The following LBP variants were observed in gnomAD, a reference collection of about 807,000 sequenced individuals.
The protein encoded by LBP is lipopolysaccharide binding protein, also known as lipopolysaccharide-binding protein.
Under a neutral mutation model 56.6 loss-of-function variants are expected in LBP, and 53 were observed. That is an observed-to-expected ratio of 0.94 (90% confidence interval 0.75 to 1.18). LBP has a LOEUF of 1.18. LBP is among the 50% of genes most tolerant of loss of function. The probability of loss-of-function intolerance (pLI) is 0.00; values close to 1 mark genes in which losing one functional copy is unlikely to be tolerated. For synonymous variants in LBP, 227 were observed against 247.5 expected, an observed-to-expected ratio of 0.92 and a Z score of 0.78; for missense variants, 601 against 598.3, an observed-to-expected ratio of 1.00 and a Z score of -0.05.
chr20:38,353,671 A>G lies in LBP; in HGVS notation c.369-613A>G, dbSNP rs572921314. ...TTTGTGTTTCAGAAAGCTTGTGCCA[A>G]TGTGCACTCTCCCAGCCACAGTGTC... is the stretch of plus-strand genomic sequence containing the variant. On this transcript the variant is annotated intron_variant, in intron 3 of 14. Transcript: ENST00000217407. Among the ~76,000 whole-genome samples the G allele has an allele frequency of 1.5e-3, 224 of 151,984 alleles. 4 individuals are homozygous for G. Among genetic ancestry groups the G allele is most frequent in the East Asian group, 3.1e-3 (16 of 5,168 alleles).
chr20:38,366,902 T>C (rs2076884388), intron 9 of LBP, 74 bp downstream of exon 9: 5 of 1,342,156 alleles, frequency 3.7e-6, no homozygotes, highest in Middle Eastern at 1.8e-4. Context: ...TTAAAACCTC[T>C]GCATCTCTCA....
intron 14 of LBP, 83 bp downstream of exon 14, chr20:38,374,096 G>A (rs2076909870): frequency 2.9e-6 from 4 of 1,395,406 alleles, no homozygotes; most frequent in Non-Finnish European, 4.1e-6. Context: ...ATTCATGGGT[G>A]ACACCCAGCC....
chr20:38,375,228 T>C (rs1360749032), intron 14 of LBP, among the ~76,000 whole-genome samples: 1 of 152,062 alleles, frequency 6.6e-6, no homozygotes, highest in East Asian at 1.9e-4. Context: ...TTTTGCACAG[T>C]TGCATTACTA....
At chr20:38,355,656 G>T (rs1176235747) in intron 5 of LBP, among the ~76,000 whole-genome samples, 1 of 152,126 alleles carries the variant, frequency 6.6e-6, no homozygotes, top group Non-Finnish European at 1.5e-5. Context: ...AACAGCAGGG[G>T]CTAAACAGAG....
intron 5 of LBP, among the ~76,000 whole-genome samples, chr20:38,357,991 A>G (rs1220294090): frequency 6.6e-6 from 1 of 152,224 alleles, no homozygotes; most frequent in African/African-American, 2.4e-5. Context: ...TGGTTTGGCC[A>G]GCTTCTTTAC....
chr20:38,363,463 A>G (rs963422253), intron 6 of LBP, among the ~76,000 whole-genome samples: 35 of 151,972 alleles, frequency 2.3e-4, no homozygotes, highest in African/African-American at 8.2e-4. Flanking sequence ...GGAGGGGGAG[A>G]CCCTGGCAAA....
intron 5 of LBP, among the ~76,000 whole-genome samples, chr20:38,357,512 G>A (rs755577650): frequency 2.6e-5 from 4 of 152,178 alleles, no homozygotes; most frequent in Admixed American, 6.5e-5. Flanking sequence ...CTCTCTGGGC[G>A]ATATATACTC....
chr20:38,367,465 T>C (rs1263801086), intron 9 of LBP, among the ~76,000 whole-genome samples: 4 of 152,140 alleles, frequency 2.6e-5, no homozygotes, highest in African/African-American at 7.2e-5. Context: ...AAAAAAATTA[T>C]TAAAAATGTT....
intron 14 of LBP, among the ~76,000 whole-genome samples, chr20:38,375,061 T>C (rs939833519): frequency 2.7e-4 from 40 of 150,746 alleles, no homozygotes; most frequent in Non-Finnish European, 2.4e-4. Context: ...CCTCCCAAAG[T>C]GCTGGGATTA....
At chr20:38,363,190 A>AT (rs2076867720) in intron 6 of LBP, among the ~76,000 whole-genome samples, 1 of 152,212 alleles carries the variant, frequency 6.6e-6, no homozygotes, top group Non-Finnish European at 1.5e-5. Context: ...TCTGGGAGTG[A>AT]AATTGCAAGC....
chr20:38,376,848 C>T lies in LBP; in HGVS notation c.*179C>T, dbSNP rs1488181220. 5 of 721,224 alleles carry T rather than the reference C, an allele frequency of 6.9e-6. No homozygotes were observed. Among genetic ancestry groups the T allele is most frequent in the Non-Finnish European group, 1.3e-5 (5 of 398,356 alleles). The allele number at this position is 721,224 out of a possible 1,614,324, so 44.7% of individuals were successfully genotyped here. A position where few individuals can be genotyped will look rare whatever the true frequency, so the allele number is the denominator to read the frequency against. On this transcript the variant is annotated 3_prime_UTR_variant, in exon 15 of 15. Coordinates refer to ENST00000217407, the MANE Select transcript of LBP (RefSeq NM_004139.5). ...TCTTCACCAGGTGCATGCATGCCCTCTCTGAGTCTGGACTTTGCTTCCCCT... is the reference window on the plus strand; with the variant it reads ...TCTTCACCAGGTGCATGCATGCCCTTTCTGAGTCTGGACTTTGCTTCCCCT...
chr20:38,372,944 T>C, intron 12 of LBP, 128 bp from the exon 13 acceptor site: 2 of 775,394 alleles, frequency 2.6e-6, no homozygotes, highest in Non-Finnish European at 4.3e-6. Flanking sequence ...AAAAGAGTTT[T>C]ATCTTATAAA....
At chr20:38,376,109 T>A (rs2083957240) in intron 14 of LBP, among the ~76,000 whole-genome samples, 1 of 152,216 alleles carries the variant, frequency 6.6e-6, no homozygotes, top group African/African-American at 2.4e-5. Flanking sequence ...GTATGATAGC[T>A]TCTAGCTCAA....
chr20:38,363,967 A>T lies in LBP; in HGVS notation c.653-8A>T, dbSNP rs779483267. ...TGGCCCCTAATTCTGCCCTGTCCTC[A>T]TTCACAGTTACAACAGAGATTGACA... On this transcript the variant is annotated splice_polypyrimidine_tract_variant and splice_region_variant and intron_variant, in intron 6 of 14. Coordinates refer to ENST00000217407, the MANE Select transcript of LBP (RefSeq NM_004139.5). 1 of 1,608,828 alleles carries T rather than the reference A, an allele frequency of 6.2e-7. No homozygotes were observed. The highest frequency in any genetic ancestry group is 8.5e-7 in the Non-Finnish European group (1 of 1,175,174).
intron 4 of LBP, 80 bp downstream of exon 4, chr20:38,354,519 T>C: frequency 7.5e-7 from 1 of 1,334,186 alleles, no homozygotes; most frequent in Non-Finnish European, 1.0e-6. Flanking sequence ...TGGCCTCCGA[T>C]AATTGCAATG....
chr20:38,353,256 C>T (rs1180690195), intron 3 of LBP, among the ~76,000 whole-genome samples: 1 of 152,076 alleles, frequency 6.6e-6, no homozygotes, highest in Non-Finnish European at 1.5e-5. Flanking sequence ...GCCATGTCCA[C>T]CCCTATCTGA....
Position 38,373,978 on chromosome 20 carries a change from G to A in LBP, c.1366G>A (p.Val456Ile), listed in dbSNP as rs1404187460. Residue 456 changes from valine to isoleucine, a missense_variant, in exon 14 of 15, where the codon GTT becomes ATT. By Grantham distance (29) the Val-to-Ile change is conservative (BLOSUM62 3). Transcript: ENST00000217407. The stretch of plus-strand genomic sequence containing the variant: ...CTTCCCCCTTCCTCTGCTGAAGCGT[G>A]TTCAGCTCTACGACCTTGGGCTGCA... Reference protein sequence around the residue: ...EGFPLPLLKRVQLYDLGLQIH... With the variant: ...EGFPLPLLKRIQLYDLGLQIH... 13 of 1,614,092 alleles carry A rather than the reference G, an allele frequency of 8.1e-6. No homozygotes were observed. The highest frequency in any genetic ancestry group is 1.1e-5 in the Non-Finnish European group (13 of 1,179,954).
intron 3 of LBP, among the ~76,000 whole-genome samples, chr20:38,351,978 C>T (rs770865795): frequency 6.0e-5 from 9 of 150,958 alleles, no homozygotes; most frequent in Non-Finnish European, 1.2e-4. Flanking sequence ...GCAGAGGTTG[C>T]ACAGAGCTGA....
chr20:38,371,045 T>A (rs1054546957), intron 11 of LBP, among the ~76,000 whole-genome samples: 2 of 152,180 alleles, frequency 1.3e-5, no homozygotes, highest in African/African-American at 4.8e-5. Flanking sequence ...CTATATGAAC[T>A]TCCTGAAATG....
Sources: gnomAD v4.1 joint callset for allele counts (sites outside exome capture counted in the v4.1 genomes callset) on GRCh38, gnomAD v4.1.1 for gene constraint, MANE v1.5 for transcripts, NCBI Gene and HGNC (gene_info 2026-07-23, HGNC 2026-07-21) for gene names.